Variants in GALNT14 observed in about 807,000 individuals in gnomAD.
GALNT14 encodes polypeptide N-acetylgalactosaminyltransferase 14.
Under a neutral mutation model 77.5 loss-of-function variants are expected in GALNT14, and 60 were observed. The observed-to-expected ratio is 0.77, with a 90% CI of 0.63 to 0.96. The LOEUF is 0.96. Among genes scored for constraint, GALNT14 ranks in the 40% least tolerant of loss-of-function variants. The pLI is 0.00. For synonymous variants in GALNT14, 280 were observed against 281.7 expected, an observed-to-expected ratio of 0.99 and a Z score of 0.06; for missense variants, 710 against 731.0, an observed-to-expected ratio of 0.97 and a Z score of 0.33.
chr2:30,929,874 C>G (rs1665621469), intron 10 of GALNT14, among the ~76,000 whole-genome samples: 1 of 152,184 alleles, frequency 6.6e-6, no homozygotes, highest in African/African-American at 2.4e-5. Flanking sequence ...ACCTTACACA[C>G]ATAGCCTGAA....
At position 31,120,620 on chromosome 2, in the gene GALNT14, G is replaced by A. The variant is rs186794397; in HGVS notation, c.129+17338C>T. Among the ~76,000 whole-genome samples the A allele has an allele frequency of 6.6e-5, 10 of 152,104 alleles. No homozygotes were observed. The East Asian group carries it at 1.2e-3, about 18-fold the overall frequency. ...CGCCCAGGCTGGAGTGCAGTGCCAC[G>A]ATCTTGGCTCACTGCAACCTCTGCC... On this transcript the variant is annotated intron_variant, in intron 1 of 14. Transcript: ENST00000349752.
chr2:30,979,109 C>A (rs999183322), intron 2 of GALNT14, among the ~76,000 whole-genome samples: 2 of 152,194 alleles, frequency 1.3e-5, no homozygotes, highest in Non-Finnish European at 2.9e-5. Context: ...GAGCTGTGTG[C>A]CCACAGCATG....
At chr2:30,895,940 A>T in the GALNT14 span, among the ~76,000 whole-genome samples, 34 of 152,154 alleles carry the variant, frequency 2.2e-4, no homozygotes, top group Admixed American at 2.6e-4. Flanking sequence ...TGGGGGGCTG[A>T]TGCCACGTCA....
chr2:30,969,606 G>C (rs1668220071), intron 2 of GALNT14, among the ~76,000 whole-genome samples: 1 of 152,190 alleles, frequency 6.6e-6, no homozygotes, highest in South Asian at 2.1e-4. Context: ...TCGTGGAGGA[G>C]GAGCTGCTGG....
intron 1 of GALNT14, among the ~76,000 whole-genome samples, chr2:30,993,576 C>G (rs1669845033): frequency 6.6e-6 from 1 of 152,238 alleles, no homozygotes; most frequent in East Asian, 1.9e-4. Context: ...TACTCACCAC[C>G]ACCCTATCTG....
chr2:30,945,882 C>A lies in GALNT14; in HGVS notation c.655-12G>T. The A allele has an allele frequency of 6.2e-7, 1 of 1,612,488 alleles. No homozygotes were observed. Among genetic ancestry groups the A allele is most frequent in the Non-Finnish European group, 8.5e-7 (1 of 1,178,476 alleles). ...ACCCGCGTGTAGTCCTGTAAGACAA[C>A]AGACCCGCACTTAGCTTATGGAGAG... On this transcript the variant is annotated splice_polypyrimidine_tract_variant and intron_variant, in intron 6 of 14. Transcript: ENST00000349752.
intron 1 of GALNT14, among the ~76,000 whole-genome samples, chr2:31,127,200 C>G (rs1678745722): frequency 6.6e-6 from 1 of 152,160 alleles, no homozygotes; most frequent in Non-Finnish European, 1.5e-5. Context: ...GTCAGTTACC[C>G]CAACCCAGGT....
In GALNT14 at chr2:30,998,905, T is replaced by C. The variant is rs1470570705; in HGVS notation, c.130-5898A>G. On this transcript the variant is annotated intron_variant, in intron 1 of 14. Coordinates refer to ENST00000349752, the MANE Select transcript of GALNT14 (RefSeq NM_024572.4). ...TCATTTTCCTCAGCCAACTTCTTTC[T>C]TTGCTTCGGGCTATTCCTCCTTCAA... Among the ~76,000 whole-genome samples, 3 of 152,230 alleles carry C rather than the reference T, an allele frequency of 2.0e-5. No individual in the cohort carries two copies. The East Asian group carries it at 5.8e-4, about 29-fold the overall frequency.
chr2:31,123,383 G>A (rs1244677473), intron 1 of GALNT14, among the ~76,000 whole-genome samples: 2 of 152,052 alleles, frequency 1.3e-5, no homozygotes, highest in African/African-American at 2.4e-5. Context: ...AGGCTACCTG[G>A]TCCATGGTGC....
chr2:31,043,355 C>T (rs988637187), intron 1 of GALNT14, among the ~76,000 whole-genome samples: 1 of 152,180 alleles, frequency 6.6e-6, no homozygotes, highest in African/African-American at 2.4e-5. Flanking sequence ...TATTTATTGG[C>T]TATCCTCCCT....
At chr2:30,946,730 C>T (rs1015547517) in intron 6 of GALNT14, among the ~76,000 whole-genome samples, 9 of 152,160 alleles carry the variant, frequency 5.9e-5, no homozygotes, top group African/African-American at 1.9e-4. Context: ...GAAGCAAAAC[C>T]GTACACCCAT....
intron 1 of GALNT14, among the ~76,000 whole-genome samples, chr2:31,071,644 G>A (rs781097639): frequency 6.6e-5 from 10 of 152,100 alleles, no homozygotes; most frequent in Admixed American, 5.2e-4. Context: ...CCTGGTCCCA[G>A]GAATCTGCCC....
At chr2:31,127,132 G>A (rs996799081) in intron 1 of GALNT14, among the ~76,000 whole-genome samples, 2 of 152,152 alleles carry the variant, frequency 1.3e-5, no homozygotes, top group African/African-American at 4.8e-5. Context: ...TGTGTAACCA[G>A]CCCCCCAATC....
chr2:31,083,287 G>T (rs1223221690), intron 1 of GALNT14, among the ~76,000 whole-genome samples: 1 of 152,164 alleles, frequency 6.6e-6, no homozygotes, highest in Non-Finnish European at 1.5e-5. Flanking sequence ...GATCAGAGGG[G>T]GGTGGAAGCA....
Position 30,952,155 on chromosome 2 carries a change from T to C in GALNT14, c.654+3463A>G, listed in dbSNP as rs530471567. The stretch of plus-strand genomic sequence containing the variant: ...AAGGGAAAAAAGCAGAATACAAAAA[T>C]CATATAAATACAGTATTATAGTAAC... On this transcript the variant is annotated intron_variant, in intron 6 of 14. Coordinates refer to ENST00000349752, the MANE Select transcript of GALNT14 (RefSeq NM_024572.4). 3.3e-5 allele frequency among the ~76,000 whole-genome samples: 5 copies of C among 152,160 alleles called. No individual in the cohort carries two copies. The South Asian group carries it at 6.3e-4, about 19-fold the overall frequency.
chr2:30,912,405 A>G lies in GALNT14; in HGVS notation c.1381-63T>C, dbSNP rs1214137082. 1.9e-6 allele frequency: 3 copies of G among 1,589,780 alleles called. No homozygotes were observed. In the East Asian group the frequency reaches 6.7e-5, roughly 36 times the overall value. On this transcript the variant is annotated intron_variant, in intron 13 of 14. Coordinates refer to ENST00000349752, the MANE Select transcript of GALNT14 (RefSeq NM_024572.4). ...CAGGAAGCCACCACTCGTGGGATAC[A>G]ACCACACTTACGGGTGTGATTAGCA...
chr2:31,135,877 T>A (rs1679208535), intron 1 of GALNT14, among the ~76,000 whole-genome samples: 1 of 152,148 alleles, frequency 6.6e-6, no homozygotes, highest in African/African-American at 2.4e-5. Flanking sequence ...GTGATAGATG[T>A]GTGCTGAGCA....
In GALNT14 at chr2:30,945,765, G is replaced by A. The variant is rs1452140190; in HGVS notation, c.742+18C>T. The stretch of plus-strand genomic sequence containing the variant: ...AAAAGAAAATCCTTACTGGGGAGGA[G>A]GTGTTAGCCCAACTCACCCCCTCTG... On this transcript the variant is annotated intron_variant, in intron 7 of 14. Transcript: ENST00000349752. 6.3e-7 allele frequency: 1 copy of A among 1,599,128 alleles called. No homozygotes were observed.
At chr2:31,121,843 C>T (rs1333172039) in intron 1 of GALNT14, among the ~76,000 whole-genome samples, 1 of 152,102 alleles carries the variant, frequency 6.6e-6, no homozygotes, top group Non-Finnish European at 1.5e-5. Context: ...TTCCATCTAC[C>T]TCCCACTCCC....
Sources: gnomAD v4.1 joint callset for allele counts (sites outside exome capture counted in the v4.1 genomes callset) on GRCh38, gnomAD v4.1.1 for gene constraint, MANE v1.5 for transcripts, NCBI Gene and HGNC (gene_info 2026-07-23, HGNC 2026-07-21) for gene names.